PMEPA1: variants seen among roughly 807,000 people sequenced by gnomAD.
PMEPA1 encodes prostate transmembrane protein, androgen induced 1.
A neutral mutation model predicts 23.0 loss-of-function variants in PMEPA1; 11 were observed. The observed-to-expected ratio is 0.48, with a 90% confidence interval of 0.30 to 0.79. The LOEUF is 0.79. Ranked by LOEUF, PMEPA1 falls within the 30% of genes least tolerant of loss-of-function variation. The pLI is 0.06. For synonymous variants in PMEPA1, 204 were observed against 166.4 expected (o/e 1.23, Z -1.74); for missense variants, 377 against 390.9 (o/e 0.96, Z 0.30).
At chr20:57,663,271 G>C (rs1163512047) in intron 1 of PMEPA1, among the ~76,000 whole-genome samples, 1 of 152,200 alleles carries the variant, frequency 6.6e-6, no homozygotes, top group African/African-American at 2.4e-5. Context: ...AGATTTGCAA[G>C]GGTTGCCGAG....
chr20:57,688,223 A>G (rs1302305419), intron 1 of PMEPA1, among the ~76,000 whole-genome samples: 5 of 152,168 alleles, frequency 3.3e-5, no homozygotes, highest in African/African-American at 4.8e-5. Context: ...ACTACTTTCT[A>G]TTTAGCCTCA....
At chr20:57,662,270 C>A (rs1171342566) in intron 1 of PMEPA1, among the ~76,000 whole-genome samples, 1 of 152,218 alleles carries the variant, frequency 6.6e-6, no homozygotes, top group African/African-American at 2.4e-5. Context: ...AAAGAATGAT[C>A]CAATCCAGTC....
At chr20:57,661,163 G>A (rs1465165965) in intron 1 of PMEPA1, among the ~76,000 whole-genome samples, 2 of 152,108 alleles carry the variant, frequency 1.3e-5, no homozygotes, top group African/African-American at 4.8e-5. Context: ...TTTTTGATTT[G>A]TTTTTCCCCT....
chr20:57,676,061 A>C (rs1369466977), intron 1 of PMEPA1, among the ~76,000 whole-genome samples: 1 of 152,242 alleles, frequency 6.6e-6, no homozygotes, highest in African/African-American at 2.4e-5. Context: ...AAATTCTGGG[A>C]AGACGAGGTT....
At chr20:57,700,045 G>C in intron 1 of PMEPA1, 1 of 471,172 alleles carries the variant, frequency 2.1e-6, no homozygotes, top group Non-Finnish European at 4.4e-6. Flanking sequence ...CTGACACTCA[G>C]GCAAATTCAT....
At chr20:57,696,672 A>C (rs2071946693) in intron 1 of PMEPA1, among the ~76,000 whole-genome samples, 1 of 152,154 alleles carries the variant, frequency 6.6e-6, no homozygotes, top group African/African-American at 2.4e-5. Context: ...TTCCCTAAAT[A>C]CTGACTGCCT....
rs1301808300 is a variant in PMEPA1, at chr20:57,704,596, G to C, written c.109+4878C>G. Among the ~76,000 whole-genome samples, 1 of 152,198 alleles carries C rather than the reference G, an allele frequency of 6.6e-6. No homozygotes were observed. The highest frequency in any genetic ancestry group is 1.5e-5 in the Non-Finnish European group (1 of 68,040). ...TTTGGGCAGGATCCCAGACACCGAG[G>C]TGCCTGCAAACTTGGTCTCTGGATG... On this transcript the variant is annotated intron_variant, in intron 1 of 3. Coordinates refer to ENST00000341744, the MANE Select transcript of PMEPA1 (RefSeq NM_020182.5). The surrounding 1 kb of genome is among the most constrained non-coding windows in gnomAD (Gnocchi z 4.6).
chr20:57,688,077 G>GT (rs2071825392), intron 1 of PMEPA1, among the ~76,000 whole-genome samples: 2 of 152,050 alleles, frequency 1.3e-5, no homozygotes, highest in African/African-American at 4.8e-5. Context: ...CTCATCTCGG[G>GT]ACGGCCTCAG....
At chr20:57,667,816 A>C (rs2071515600) in intron 1 of PMEPA1, among the ~76,000 whole-genome samples, 2 of 147,614 alleles carry the variant, frequency 1.4e-5, no homozygotes, top group East Asian at 2.0e-4. Context: ...TCCCCTACCT[A>C]CCCCCACTAC....
intron 2 of PMEPA1, among the ~76,000 whole-genome samples, chr20:57,657,194 C>T (rs1398721456): frequency 6.6e-6 from 1 of 152,186 alleles, no homozygotes; most frequent in Non-Finnish European, 1.5e-5. Context: ...CTCCCCATGA[C>T]CACGGGCCGC....
intron 2 of PMEPA1, among the ~76,000 whole-genome samples, chr20:57,657,119 G>C (rs896225353): frequency 5.3e-5 from 8 of 152,188 alleles, no homozygotes; most frequent in Admixed American, 6.5e-5. Flanking sequence ...GCCGTCTCCT[G>C]CTCCACAACA....
chr20:57,679,476 C>G (rs1026211159), intron 1 of PMEPA1, among the ~76,000 whole-genome samples: 1 of 152,230 alleles, frequency 6.6e-6, no homozygotes. Context: ...CGGCACACAT[C>G]AGACCTGCTG....
rs771432193 is a variant in PMEPA1, at chr20:57,652,209, G to C, written c.708C>G (p.Ile236Met). ...EGPPPTYSEV[I>M]GHYPGSSFQH... ...GGAAGGAGGACCCCGGGTAGTGGCC[G>C]ATGACCTCGCTGTAGGTGGGCGGCG... Residue 236 changes from isoleucine (I) to methionine (M), a missense_variant, in exon 4 of 4, where the codon ATC becomes ATG. By Grantham distance (10) the Ile-to-Met change is conservative. This residue lies in a region of PMEPA1 where 176 missense variants were observed against 173.0 expected (regional missense o/e 1.02). Coordinates refer to ENST00000341744, the MANE Select transcript of PMEPA1 (RefSeq NM_020182.5). The surrounding 1 kb of genome is among the most constrained non-coding windows in gnomAD (Gnocchi z 6.1). 1 of 1,609,484 alleles carries C rather than the reference G, an allele frequency of 6.2e-7. No individual in the cohort carries two copies. Among genetic ancestry groups the C allele is most frequent in the Non-Finnish European group, 8.5e-7 (1 of 1,179,278 alleles).
At chr20:57,710,468 T>A, upstream of PMEPA1, 1 of 1,608,316 alleles carries the variant, frequency 6.2e-7, no homozygotes, top group Admixed American at 1.7e-5. Context: ...ACCCATTGCC[T>A]GGTTTCGCAG....
chr20:57,708,246 C>A (rs2295582), intron 1 of PMEPA1, among the ~76,000 whole-genome samples: 49,695 of 152,168 alleles, frequency 0.33, 10,126 homozygotes, highest in Non-Finnish European at 0.44. Flanking sequence ...GCAGCCTGGC[C>A]CCCAGCAGGG....
At chr20:57,662,937 G>A (rs1043985284) in intron 1 of PMEPA1, among the ~76,000 whole-genome samples, 1 of 152,208 alleles carries the variant, frequency 6.6e-6, no homozygotes, top group Non-Finnish European at 1.5e-5. Flanking sequence ...GGCAATGGAG[G>A]AGGCCCCTGC....
intron 1 of PMEPA1, among the ~76,000 whole-genome samples, chr20:57,696,684 C>T (rs2071946840): frequency 6.6e-6 from 1 of 152,182 alleles, no homozygotes; most frequent in Non-Finnish European, 1.5e-5. Context: ...TGACTGCCTC[C>T]CAGATTCTCC....
intron 1 of PMEPA1, among the ~76,000 whole-genome samples, chr20:57,708,293 A>G (rs1174714033): frequency 1.3e-5 from 2 of 152,162 alleles, no homozygotes; most frequent in African/African-American, 4.8e-5. Flanking sequence ...GTGCTTCTTC[A>G]GGGTGGGGAT....
At position 57,652,629 on chromosome 20, in the gene PMEPA1, G is replaced by A. The variant is rs1419326081; in HGVS notation, c.319-31C>T. The A allele has an allele frequency of 1.4e-6, 2 of 1,439,866 alleles. No individual in the cohort carries two copies. Among genetic ancestry groups the A allele is most frequent in the Non-Finnish European group, 1.8e-6 (2 of 1,097,048 alleles). The allele number at this position is 1,439,866 out of a possible 1,614,324, so 89.2% of individuals were successfully genotyped here. A position where few individuals can be genotyped will look rare whatever the true frequency, so the allele number is the denominator to read the frequency against. ...GGAAGCAGAGCGGGAGTGAGGGAGG[G>A]CGGCTGTCTCAGGTGGGTTGTCCAG... On this transcript the variant is annotated intron_variant, in intron 3 of 3. Coordinates refer to ENST00000341744, the MANE Select transcript of PMEPA1 (RefSeq NM_020182.5). This position sits in a 1 kb window ranked among gnomAD's most constrained non-coding sequence, Gnocchi z 6.1.
Sources: allele counts gnomAD v4.1 joint callset (sites outside exome capture counted in the v4.1 genomes callset), GRCh38; gene constraint gnomAD v4.1.1; regional missense constraint gnomAD v4.1.1; non-coding constraint Gnocchi (gnomAD v3.1); transcripts MANE v1.5; gene names NCBI Gene and HGNC (gene_info 2026-07-23, HGNC 2026-07-21).